EYA4: variants seen among roughly 807,000 people sequenced by gnomAD.
The protein encoded by EYA4 is protein phosphatase EYA4.
Under a neutral mutation model 87.9 loss-of-function variants are expected in EYA4, and 31 were observed. That is an observed-to-expected ratio of 0.35 (90% CI 0.27 to 0.48). The LOEUF is 0.48. Among genes scored for constraint, EYA4 ranks in the 20% least tolerant of loss-of-function variants. The pLI, the probability that EYA4 is intolerant of heterozygous loss-of-function variation, is 0.99. For synonymous variants in EYA4, 263 were observed against 270.6 expected (o/e 0.97, Z 0.28); for missense variants, 678 against 761.4 (o/e 0.89, Z 1.29).
intron 3 of EYA4, among the ~76,000 whole-genome samples, chr6:133,417,491 A>G (rs1789823429): frequency 6.6e-6 from 1 of 152,168 alleles, no homozygotes; most frequent in Admixed American, 6.5e-5. Context: ...AATATGACAT[A>G]TATTCAATAT....
chr6:133,396,096 A>G (rs1013462694), intron 3 of EYA4, among the ~76,000 whole-genome samples: 4 of 152,152 alleles, frequency 2.6e-5, no homozygotes, highest in African/African-American at 9.7e-5. Context: ...TTAATACAAG[A>G]CAATATGTGA....
chr6:133,384,162 T>C (rs1786499699), intron 3 of EYA4, among the ~76,000 whole-genome samples: 1 of 152,178 alleles, frequency 6.6e-6, no homozygotes, highest in South Asian at 2.1e-4. Context: ...ATCAAACTGA[T>C]TCATTGTTCA....
chr6:133,528,994 C>T lies in EYA4; in HGVS notation c.*189C>T. 1 of 1,421,084 alleles carries T rather than the reference C, an allele frequency of 7.0e-7. No individual in the cohort carries two copies. Among genetic ancestry groups the T allele is most frequent in the East Asian group, 2.7e-5 (1 of 36,398 alleles). The allele number at this position is 1,421,084 out of a possible 1,614,324, so 88.0% of individuals were successfully genotyped here. A position where few individuals can be genotyped will look rare whatever the true frequency, so the allele number is the denominator to read the frequency against. Reference sequence around the variant, plus strand: ...AAACTTTAGTGCTACAGAAAAGAAACTCTATGGTCTTATATTTACAACACT... The same window carrying T: ...AAACTTTAGTGCTACAGAAAAGAAATTCTATGGTCTTATATTTACAACACT... On this transcript the variant is annotated 3_prime_UTR_variant, in exon 20 of 20. Coordinates refer to ENST00000355286, the MANE Select transcript of EYA4 (RefSeq NM_004100.5).
intron 3 of EYA4, among the ~76,000 whole-genome samples, chr6:133,415,295 T>C (rs1200302910): frequency 6.6e-6 from 1 of 152,206 alleles, no homozygotes; most frequent in Non-Finnish European, 1.5e-5. Flanking sequence ...ATCTTCTTTT[T>C]TGTAAAACCC....
intron 3 of EYA4, among the ~76,000 whole-genome samples, chr6:133,393,361 A>G (rs189391912): frequency 2.6e-5 from 4 of 152,334 alleles, no homozygotes; most frequent in African/African-American, 9.6e-5. Context: ...TCAGTAAACA[A>G]AACAAGAGCA....
chr6:133,379,211 G>A (rs897204690), intron 2 of EYA4, among the ~76,000 whole-genome samples: 1 of 152,004 alleles, frequency 6.6e-6, no homozygotes, highest in African/African-American at 2.4e-5. Flanking sequence ...GTTTGAGACT[G>A]TAGTGCACCA....
intron 11 of EYA4, 86 bp downstream of exon 11, chr6:133,468,817 C>T (rs541464944): frequency 8.0e-5 from 106 of 1,325,766 alleles, no homozygotes; most frequent in Middle Eastern, 5.5e-4. Flanking sequence ...AAAAACATGG[C>T]GGAAAGCTCC....
chr6:133,435,529 T>C (rs1791575613), intron 3 of EYA4: 2 of 152,282 alleles, frequency 1.3e-5, no homozygotes, highest in African/African-American at 4.8e-5. Context: ...ATCAGTGATA[T>C]AGACACTGTG....
intron 11 of EYA4, among the ~76,000 whole-genome samples, chr6:133,474,790 A>G (rs1212946355): frequency 6.6e-6 from 1 of 152,166 alleles, no homozygotes; most frequent in Non-Finnish European, 1.5e-5. Flanking sequence ...TATTTAGTTC[A>G]AGGGCAAGAA....
chr6:133,427,309 C>T lies in EYA4; in HGVS notation c.84-19321C>T, dbSNP rs537334815. Among the ~76,000 whole-genome samples, 15 of 152,264 alleles carry T rather than the reference C, an allele frequency of 9.9e-5. No homozygotes were observed. In the South Asian group the frequency reaches 2.3e-3, roughly 23 times the overall value. ...TCTGAATTTTAGAACCACTTCTGAA[C>T]GTCATGATTTCTGTACAAGATAGTG... is the stretch of plus-strand genomic sequence containing the variant. On this transcript the variant is annotated intron_variant, in intron 3 of 19. Coordinates refer to ENST00000355286, the MANE Select transcript of EYA4 (RefSeq NM_004100.5).
At chr6:133,512,603 C>T (rs781218765) in intron 14 of EYA4, 118 bp from the exon 15 acceptor site, 32 of 807,414 alleles carry the variant, frequency 4.0e-5, no homozygotes, top group Non-Finnish European at 5.7e-5. Context: ...ATGAGATGGA[C>T]GGGCACATGC....
intron 1 of EYA4, chr6:133,247,688 A>G (rs1774526185): frequency 6.6e-6 from 1 of 152,062 alleles, no homozygotes; most frequent in Non-Finnish European, 1.5e-5. Flanking sequence ...ATACTCAGCC[A>G]CGGATCCTTT....
intron 14 of EYA4, among the ~76,000 whole-genome samples, chr6:133,507,506 C>T (rs935147716): frequency 6.6e-6 from 1 of 152,080 alleles, no homozygotes; most frequent in Admixed American, 6.5e-5. Context: ...GGTATTTCTC[C>T]TAATGTTATC....
intron 1 of EYA4, among the ~76,000 whole-genome samples, chr6:133,273,097 G>GTGTATATATATATA (rs142020137): frequency 3.8e-5 from 4 of 106,638 alleles, no homozygotes; most frequent in African/African-American, 1.3e-4. Context: ...ATATATATAT[G>GTGTATATATATATA]TATATATATA....
chr6:133,265,591 G>T (rs1776152283), intron 1 of EYA4, among the ~76,000 whole-genome samples: 1 of 152,088 alleles, frequency 6.6e-6, no homozygotes, highest in South Asian at 2.1e-4. Flanking sequence ...TCTGCAATTA[G>T]CCTAGGTAGT....
At chr6:133,333,638 T>A (rs1161525914) in intron 2 of EYA4, among the ~76,000 whole-genome samples, 4 of 152,184 alleles carry the variant, frequency 2.6e-5, no homozygotes, top group African/African-American at 9.7e-5. Context: ...CTGTGAAAAC[T>A]GAGACAACTG....
intron 2 of EYA4, among the ~76,000 whole-genome samples, chr6:133,329,199 G>A (rs577196869): frequency 6.6e-6 from 1 of 152,094 alleles, no homozygotes; most frequent in Admixed American, 6.5e-5. Flanking sequence ...ACTTTTTAAA[G>A]TTGTTAAATT....
intron 2 of EYA4, among the ~76,000 whole-genome samples, chr6:133,275,394 C>G (rs1212777054): frequency 6.6e-6 from 1 of 152,126 alleles, no homozygotes; most frequent in Admixed American, 6.5e-5. Context: ...GCGTGTGGAA[C>G]TAGAGGCAGT....
intron 13 of EYA4, 105 bp downstream of exon 13, chr6:133,483,220 G>C (rs1796373655): frequency 1.2e-6 from 1 of 802,308 alleles, no homozygotes; most frequent in Non-Finnish European, 2.1e-6. Flanking sequence ...TTTTATTGCA[G>C]TCTGTGAAAT....
Sources: gnomAD v4.1 joint callset for allele counts (sites outside exome capture counted in the v4.1 genomes callset) on GRCh38, gnomAD v4.1.1 for gene constraint, MANE v1.5 for transcripts, NCBI Gene and HGNC (gene_info 2026-07-23, HGNC 2026-07-21) for gene names.